The following SH2B3 variants were observed in gnomAD, a reference collection of about 807,000 sequenced individuals.
SH2B3 encodes SH2B adaptor protein 3, also known as SH2B adapter protein 3.
SH2B3 carries 43 observed loss-of-function variants against 51.9 expected under a neutral mutation model. That is an observed-to-expected ratio of 0.83 (90% CI 0.65 to 1.07). SH2B3 has a LOEUF of 1.07. Ranked by LOEUF, SH2B3 falls within the 50% of genes least tolerant of loss-of-function variation. SH2B3 has a pLI of 0.00. For synonymous variants in SH2B3, 396 were observed against 376.0 expected (o/e 1.05, Z -0.62); for missense variants, 952 against 834.3 (o/e 1.14, Z -1.74).
chr12:111,448,084 T>G lies in SH2B3; in HGVS notation c.1510T>G (p.Ser504Ala). 6.2e-7 allele frequency: 1 copy of G among 1,614,084 alleles called. No individual in the cohort carries two copies. Among genetic ancestry groups the G allele is most frequent in the Non-Finnish European group, 8.5e-7 (1 of 1,179,978 alleles). The change falls in exon 8 of 8, where the codon TCT (serine) becomes GCT (alanine). Residue 504 changes from serine (S) to alanine (A), a missense_variant. Physicochemically the swap from Ser to Ala is moderately conservative, Grantham distance 99 (BLOSUM62 1). Transcript: ENST00000341259. ...GTTGGGCCTTCCCCACCTTAGTTCTTCTGGCTGTCCCCGGGGGCTCAGCCC... is the reference window on the plus strand; with the variant it reads ...GTTGGGCCTTCCCCACCTTAGTTCTGCTGGCTGTCCCCGGGGGCTCAGCCC... ...SELGLPHLSSSGCPRGLSPEG... is the reference protein window; with the variant it reads ...SELGLPHLSSAGCPRGLSPEG...
intron 1 of SH2B3, among the ~76,000 whole-genome samples, chr12:111,412,917 C>T (rs1048156856): frequency 2.6e-5 from 4 of 152,252 alleles, no homozygotes; most frequent in African/African-American, 9.6e-5. Flanking sequence ...TTTTCCTGAT[C>T]ATTGGTGGGT....
intron 2 of SH2B3, among the ~76,000 whole-genome samples, chr12:111,426,234 T>C (rs577190551): frequency 1.3e-5 from 2 of 152,120 alleles, no homozygotes; most frequent in East Asian, 1.9e-4. Flanking sequence ...ACAAGGTAGG[T>C]TGGAGAATTT....
rs774547449 is a variant in SH2B3 at position 111,449,648 on chromosome 12, G to A, written c.*1346G>A. 6.6e-5 allele frequency: 10 copies of A among 152,376 alleles called. No individual in the cohort carries two copies. Among genetic ancestry groups the A allele is most frequent in the Non-Finnish European group, 1.3e-4 (9 of 68,160 alleles). 9.4% of individuals were successfully genotyped at this position (152,376 alleles called of 1,614,324 possible). On this transcript the variant is annotated 3_prime_UTR_variant, in exon 8 of 8. Transcript: ENST00000341259. ...CAGAAACGGGGGCAGTGACAGTGGA[G>A]TCAGCTGCTCTTGGGTGCCAGCAGA...
intron 2 of SH2B3, among the ~76,000 whole-genome samples, chr12:111,430,646 G>T (rs558853730): frequency 1.3e-5 from 2 of 152,320 alleles, no homozygotes; most frequent in South Asian, 4.1e-4. Context: ...GACAGGGTCA[G>T]GTTCAGATCT....
At chr12:111,437,545 A>G (rs1872991616) in intron 2 of SH2B3, among the ~76,000 whole-genome samples, 1 of 152,172 alleles carries the variant, frequency 6.6e-6, no homozygotes, top group African/African-American at 2.4e-5. Flanking sequence ...AGTGGGTTCC[A>G]TTATCATCCC....
chr12:111,423,709 G>A (rs572448354), intron 2 of SH2B3, among the ~76,000 whole-genome samples: 290 of 152,324 alleles, frequency 1.9e-3, no homozygotes, highest in Non-Finnish European at 3.5e-3. Context: ...GTGGCTGGGC[G>A]CAGTGGCTCA....
At position 111,448,760 on chromosome 12, in the gene SH2B3, G is replaced by A. The variant is rs1874321525; in HGVS notation, c.*458G>A. 1 of 174,970 alleles carries A rather than the reference G, an allele frequency of 5.7e-6. No individual in the cohort carries two copies. Among genetic ancestry groups the A allele is most frequent in the Non-Finnish European group, 1.2e-5 (1 of 80,122 alleles). The allele number at this position is 174,970 out of a possible 1,614,324, so 10.8% of individuals were successfully genotyped here. On this transcript the variant is annotated 3_prime_UTR_variant, in exon 8 of 8. Coordinates refer to ENST00000341259, the MANE Select transcript of SH2B3 (RefSeq NM_005475.3). ...CATCTACCGTCAGTCCACATGGCAGGTCTGCTGTGTCCACACCACAGATGA... is the reference window on the plus strand; with the variant it reads ...CATCTACCGTCAGTCCACATGGCAGATCTGCTGTGTCCACACCACAGATGA...
rs1874458060 is a variant in SH2B3 at position 111,450,296 on chromosome 12, T to C, written c.*1994T>C. On this transcript the variant is annotated 3_prime_UTR_variant, in exon 8 of 8. Transcript: ENST00000341259. Reference sequence around the variant, plus strand: ...AGCAGACCTGACACTGATCCAGATTTGCAGTCCATTTTTAAGGACACCTGT... The same window carrying C: ...AGCAGACCTGACACTGATCCAGATTCGCAGTCCATTTTTAAGGACACCTGT... The C allele has an allele frequency of 6.6e-6, 1 of 152,288 alleles. No homozygotes were observed. Among genetic ancestry groups the C allele is most frequent in the African/African-American group, 2.4e-5 (1 of 41,484 alleles). The allele number at this position is 152,288 out of a possible 1,614,324, so 9.4% of individuals were successfully genotyped here.
rs948948477 is a variant in SH2B3, at chr12:111,450,459, C to T, written c.*2157C>T. 4 of 152,228 alleles carry T rather than the reference C, an allele frequency of 2.6e-5. No individual in the cohort carries two copies. The highest frequency in any genetic ancestry group is 4.4e-5 in the Non-Finnish European group (3 of 68,038). The allele number at this position is 152,228 out of a possible 1,614,324, so 9.4% of individuals were successfully genotyped here. On this transcript the variant is annotated 3_prime_UTR_variant, in exon 8 of 8. Coordinates refer to ENST00000341259, the MANE Select transcript of SH2B3 (RefSeq NM_005475.3). ...AAAGTCACTGGTCCTCCCCTCCGCACAGGAAAGGTACCCAGTAGATAATGA... is the reference window on the plus strand; with the variant it reads ...AAAGTCACTGGTCCTCCCCTCCGCATAGGAAAGGTACCCAGTAGATAATGA...
chr12:111,418,145 C>G lies in SH2B3; in HGVS notation c.-1C>G. ...CCGGCCGCACCACCTGGGTCTCCGCCATGAACGGGCCTGCCCTGCAGCCCT... is the reference window on the plus strand; with the variant it reads ...CCGGCCGCACCACCTGGGTCTCCGCGATGAACGGGCCTGCCCTGCAGCCCT... On this transcript the variant is annotated 5_prime_UTR_variant, in exon 2 of 8. Transcript: ENST00000341259. This position sits in a 1 kb window ranked among gnomAD's most constrained non-coding sequence, Gnocchi z 6.7. 2 of 1,501,754 alleles carry G rather than the reference C, an allele frequency of 1.3e-6. No individual in the cohort carries two copies. Among genetic ancestry groups the G allele is most frequent in the Non-Finnish European group, 1.8e-6 (2 of 1,139,364 alleles). 93.0% of individuals were successfully genotyped at this position (1,501,754 alleles called of 1,614,324 possible).
chr12:111,418,877 GGTAA>G lies in SH2B3; in HGVS notation c.732+6_732+9del, dbSNP rs1871319681. ...TGCTGGAGCTCTTCGACCCACCCAAGGTAAGTAAGCCCTGCCCGCGGGGTTGCGC... is the reference window on the plus strand; with the variant it reads ...TGCTGGAGCTCTTCGACCCACCCAAGGTAAGCCCTGCCCGCGGGGTTGCGC... On this transcript the variant is annotated splice_donor_variant and splice_donor_region_variant and intron_variant, in intron 2 of 7. Coordinates refer to ENST00000341259, the MANE Select transcript of SH2B3 (RefSeq NM_005475.3). LOFTEE classifies it high-confidence loss of function. This position sits in a 1 kb window ranked among gnomAD's most constrained non-coding sequence, Gnocchi z 6.7. 1.0e-5 allele frequency: 14 copies of G among 1,404,976 alleles called. No individual in the cohort carries two copies. Among genetic ancestry groups the G allele is most frequent in the Non-Finnish European group, 9.1e-6 (10 of 1,092,924 alleles). 87.0% of individuals were successfully genotyped at this position (1,404,976 alleles called of 1,614,324 possible). A position where few individuals can be genotyped will look rare whatever the true frequency, so the allele number is the denominator to read the frequency against.
In SH2B3 at chr12:111,418,122, G is replaced by T. The variant is rs1203097249; in HGVS notation, c.-24G>T. On this transcript the variant is annotated 5_prime_UTR_variant, in exon 2 of 8. Transcript: ENST00000341259. The surrounding 1 kb of genome is among the most constrained non-coding windows in gnomAD (Gnocchi z 6.7). ...CCCCCACCCACGTGTCTTTCAGCCC[G>T]GCCGCACCACCTGGGTCTCCGCCAT... is the stretch of plus-strand genomic sequence containing the variant. 3.4e-6 allele frequency: 5 copies of T among 1,476,552 alleles called. No individual in the cohort carries two copies. Among genetic ancestry groups the T allele is most frequent in the Non-Finnish European group, 4.4e-6 (5 of 1,125,086 alleles). The allele number at this position is 1,476,552 out of a possible 1,614,324, so 91.5% of individuals were successfully genotyped here. A position where few individuals can be genotyped will look rare whatever the true frequency, so the allele number is the denominator to read the frequency against.
At chr12:111,419,317 T>TA (rs1370680136) in intron 2 of SH2B3, among the ~76,000 whole-genome samples, 3 of 151,178 alleles carry the variant, frequency 2.0e-5, no homozygotes, top group Non-Finnish European at 4.4e-5. Context: ...ATAAATACAA[T>TA]AAAAAAGAAC....
rs1565977452 is a variant in SH2B3, at chr12:111,429,048, A to AGGAGGAGGAGGAG, written c.732+10172_732+10173insGAGGAGGAGGAGG. Among the ~76,000 whole-genome samples the AGGAGGAGGAGGAG allele has an allele frequency of 2.4e-5, 3 of 125,126 alleles. No homozygotes were observed. The highest frequency in any genetic ancestry group is 1.7e-5 in the Non-Finnish European group (1 of 58,148). The allele number at this position is 125,126 out of a possible 152,430, so 82.1% of individuals were successfully genotyped here. A position where few individuals can be genotyped will look rare whatever the true frequency, so the allele number is the denominator to read the frequency against. ...AGGAGGAGGAGGAGGAGGAGGAGGA[A>AGGAGGAGGAGGAG]GAGGAGGAGGAGGAGGAGGAGGGAC... On this transcript the variant is annotated intron_variant, in intron 2 of 7. Transcript: ENST00000341259. This position sits in a 1 kb window ranked among gnomAD's most constrained non-coding sequence, Gnocchi z 4.4.
chr12:111,430,164 A>G (rs1872348960), intron 2 of SH2B3, among the ~76,000 whole-genome samples: 1 of 152,212 alleles, frequency 6.6e-6, no homozygotes, highest in African/African-American at 2.4e-5. Context: ...GGGTGCCTGC[A>G]GTGGCCTTCT....
In SH2B3 at chr12:111,447,671, C is replaced by T. The variant is rs945642219; in HGVS notation, c.1252C>T (p.Leu418=). ...QGIAKHLRLS[L]TERGQCRVQH... ...CCTCCCACAGCACCTGCGCCTGTCG[C>T]TGACAGAGCGGGGCCAGTGCCGTGT... is the stretch of plus-strand genomic sequence containing the variant. The change falls in exon 7 of 8, where the codon CTG becomes TTG. Residue 418 remains leucine, a synonymous_variant. Coordinates refer to ENST00000341259, the MANE Select transcript of SH2B3 (RefSeq NM_005475.3). The T allele has an allele frequency of 2.5e-6, 4 of 1,612,470 alleles. No homozygotes were observed. The highest frequency in any genetic ancestry group is 3.4e-6 in the Non-Finnish European group (4 of 1,179,036).
At chr12:111,443,454 TC>T (rs1290389140) in intron 2 of SH2B3, 1 of 152,222 alleles carries the variant, frequency 6.6e-6, no homozygotes, top group Non-Finnish European at 1.5e-5. Flanking sequence ...CACAACAAAC[TC>T]AGAAGCAGCC....
intron 2 of SH2B3, among the ~76,000 whole-genome samples, chr12:111,446,045 A>G (rs2135610665): frequency 6.6e-6 from 1 of 152,322 alleles, no homozygotes; most frequent in South Asian, 2.1e-4. Context: ...CAGTGGGGCC[A>G]CTTCTGTCCA....
intron 2 of SH2B3, chr12:111,434,816 C>T (rs1872724524): frequency 6.6e-7 from 1 of 1,514,724 alleles, no homozygotes; most frequent in Non-Finnish European, 8.9e-7. Flanking sequence ...GGCTGTGTGT[C>T]AAGGCCTGTG....
Sources: allele counts gnomAD v4.1 joint callset (sites outside exome capture counted in the v4.1 genomes callset), GRCh38; gene constraint gnomAD v4.1.1; non-coding constraint Gnocchi (gnomAD v3.1); transcripts MANE v1.5; gene names NCBI Gene and HGNC (gene_info 2026-07-23, HGNC 2026-07-21).